Variants in TANC2 observed in about 807,000 individuals in gnomAD.
The protein encoded by TANC2 is tetratricopeptide repeat, ankyrin repeat and coiled-coil containing 2.
In TANC2, 26 loss-of-function variants were observed where a neutral mutation model predicts 210.5. The ratio of observed to expected loss-of-function variants is 0.12; its 90% confidence interval spans 0.09 to 0.17. TANC2 has a LOEUF of 0.17. Ranked by LOEUF, TANC2 falls within the 10% of genes least tolerant of loss-of-function variation. The pLI is 1.00. For missense variants in TANC2, 2,129 were observed against 2,608.9 expected (o/e 0.82, Z 4.01); for synonymous variants, 931 against 967.1 (o/e 0.96, Z 0.69).
intron 9 of TANC2, among the ~76,000 whole-genome samples, chr17:63,270,778 A>G (rs976161210): frequency 6.6e-6 from 1 of 152,082 alleles, no homozygotes; most frequent in Admixed American, 6.6e-5. Context: ...TATTAAGCCT[A>G]GTATCCATTC....
intron 4 of TANC2, among the ~76,000 whole-genome samples, chr17:63,119,624 A>G (rs1159671589): frequency 6.6e-6 from 1 of 152,256 alleles, no homozygotes; most frequent in Non-Finnish European, 1.5e-5. Context: ...TGTGTACATT[A>G]TAAGTTAATG....
intron 14 of TANC2, among the ~76,000 whole-genome samples, chr17:63,372,893 C>CTTTTTTT (rs753800050): frequency 3.5e-5 from 4 of 115,918 alleles, no homozygotes; most frequent in African/African-American, 6.7e-5. Flanking sequence ...TGATTACCAT[C>CTTTTTTT]TTTTTTTTTT....
chr17:63,061,884 C>A (rs1187342116), intron 2 of TANC2, among the ~76,000 whole-genome samples: 1 of 151,882 alleles, frequency 6.6e-6, no homozygotes, highest in Non-Finnish European at 1.5e-5. Context: ...TTTGATCTTG[C>A]GTTTCTTCTA....
intron 1 of TANC2, among the ~76,000 whole-genome samples, chr17:62,985,917 CTTGCTTTT>C (rs2032544058): frequency 6.6e-6 from 1 of 152,000 alleles, no homozygotes; most frequent in South Asian, 2.1e-4. Context: ...ATCATATTTC[CTTGCTTTT>C]TCATATTTGA....
chr17:63,280,235 C>T (rs1326273757), intron 9 of TANC2, among the ~76,000 whole-genome samples: 1 of 152,048 alleles, frequency 6.6e-6, no homozygotes, highest in Non-Finnish European at 1.5e-5. Context: ...TTCTCTCTTA[C>T]CCTCTCCACG....
At chr17:63,143,485 C>T (rs2039359863) in intron 4 of TANC2, among the ~76,000 whole-genome samples, 1 of 152,168 alleles carries the variant, frequency 6.6e-6, no homozygotes. Flanking sequence ...TTATATTTCA[C>T]AGCTATAACT....
At position 62,966,284 on chromosome 17, in the gene TANC2, T is replaced by C. The variant is rs2031325988; in HGVS notation, c.-489T>C. Among the ~76,000 whole-genome samples the C allele has an allele frequency of 6.9e-6, 1 of 145,434 alleles. No individual in the cohort carries two copies. Among genetic ancestry groups the C allele is most frequent in the Non-Finnish European group, 1.5e-5 (1 of 65,604 alleles). On this transcript the variant is annotated 5_prime_UTR_variant, in exon 1 of 28. Transcript: ENST00000689528. The surrounding 1 kb of genome is among the most constrained non-coding windows in gnomAD (Gnocchi z 5.1). ...GGGCGCGGGTTGCTGGGCGCGCTGC[T>C]CCGGCGGGGCCCGCTGGCACAGCCG...
At chr17:63,283,309 T>C (rs2044117676) in intron 9 of TANC2, among the ~76,000 whole-genome samples, 1 of 151,992 alleles carries the variant, frequency 6.6e-6, no homozygotes, top group African/African-American at 2.4e-5. Context: ...GACTTCTGTT[T>C]CACTTATCTA....
In TANC2 at chr17:63,367,970, G is replaced by A. The variant is rs961129045; in HGVS notation, c.2583-11748G>A. Among the ~76,000 whole-genome samples the A allele has an allele frequency of 9.2e-5, 14 of 152,310 alleles. No individual in the cohort carries two copies. In the East Asian group the frequency reaches 2.5e-3, roughly 27 times the overall value. ...ACAAGTGATGTATGGAAGATGAGTC[G>A]AAATGAAGGGAAGAGACTGCAAGTT... On this transcript the variant is annotated intron_variant, in intron 14 of 27. Transcript: ENST00000689528.
At chr17:63,088,718 T>G (rs1418006650) in intron 3 of TANC2, 1 of 152,226 alleles carries the variant, frequency 6.6e-6, no homozygotes. Context: ...ACACACTGAT[T>G]ACAGTCATAA....
chr17:63,243,296 T>A (rs1165787649), intron 8 of TANC2, among the ~76,000 whole-genome samples: 1 of 152,214 alleles, frequency 6.6e-6, no homozygotes. Flanking sequence ...TTTGACAAGA[T>A]GTATTAAAGG....
At chr17:63,031,717 G>A (rs1321498014) in intron 2 of TANC2, among the ~76,000 whole-genome samples, 1 of 152,074 alleles carries the variant, frequency 6.6e-6, no homozygotes, top group Non-Finnish European at 1.5e-5. Context: ...AGAGTATTGG[G>A]GGACACAGCT....
At chr17:63,005,555 G>GT (rs1300504462) in intron 1 of TANC2, among the ~76,000 whole-genome samples, 2 of 151,198 alleles carry the variant, frequency 1.3e-5, no homozygotes, top group Non-Finnish European at 2.9e-5. Flanking sequence ...CATTTTAACA[G>GT]TAAGTATTCA....
intron 3 of TANC2, among the ~76,000 whole-genome samples, chr17:63,087,729 A>G (rs1030864528): frequency 9.9e-5 from 15 of 152,092 alleles, no homozygotes; most frequent in African/African-American, 2.7e-4. Context: ...CAGAATTTTG[A>G]TTTCTCAGGC....
chr17:63,403,406 T>C (rs1421017140), intron 19 of TANC2, among the ~76,000 whole-genome samples: 1 of 152,192 alleles, frequency 6.6e-6, no homozygotes, highest in African/African-American at 2.4e-5. Flanking sequence ...TTATGGTTCC[T>C]AGTAAGTGTC....
chr17:62,981,252 A>C (rs1236213260), intron 1 of TANC2, among the ~76,000 whole-genome samples: 1 of 152,146 alleles, frequency 6.6e-6, no homozygotes, highest in Non-Finnish European at 1.5e-5. Flanking sequence ...TGTTTCATTA[A>C]GAAAATAGAA....
chr17:63,224,301 G>T (rs2042273096), intron 7 of TANC2, among the ~76,000 whole-genome samples: 1 of 149,868 alleles, frequency 6.7e-6, no homozygotes. Flanking sequence ...GCCCAGGCTG[G>T]GGTGCAGTGG....
At chr17:63,124,545 A>G (rs960741010) in intron 4 of TANC2, among the ~76,000 whole-genome samples, 3 of 152,216 alleles carry the variant, frequency 2.0e-5, no homozygotes, top group Non-Finnish European at 4.4e-5. Flanking sequence ...GAGAGAGGCT[A>G]CATAAAATCG....
intron 15 of TANC2, among the ~76,000 whole-genome samples, chr17:63,387,065 G>A (rs1350438293): frequency 2.0e-5 from 3 of 151,886 alleles, no homozygotes; most frequent in African/African-American, 4.8e-5. Flanking sequence ...CATTTCCCTG[G>A]TCTCAAGCTC....
Sources: allele counts gnomAD v4.1 joint callset (sites outside exome capture counted in the v4.1 genomes callset), GRCh38; gene constraint gnomAD v4.1.1; non-coding constraint Gnocchi (gnomAD v3.1); transcripts MANE v1.5; gene names NCBI Gene and HGNC (gene_info 2026-07-23, HGNC 2026-07-21).